The following SPECC1 variants were observed in gnomAD, a reference collection of about 807,000 sequenced individuals.
SPECC1 encodes the protein sperm antigen with calponin homology and coiled-coil domains 1.
A neutral mutation model predicts 104.1 loss-of-function variants in SPECC1; 62 were observed. The observed-to-expected ratio is 0.60, with a 90% CI of 0.49 to 0.74. The LOEUF (loss-of-function observed/expected upper bound fraction) is 0.74, where lower values mean the gene tolerates loss of function less well. Ranked by LOEUF, SPECC1 falls within the 30% of genes least tolerant of loss-of-function variation. SPECC1 has a pLI of 0.00. For synonymous variants in SPECC1, 513 were observed against 501.6 expected, an observed-to-expected ratio of 1.02 and a Z score of -0.30; for missense variants, 1,306 against 1,310.5, an observed-to-expected ratio of 1.00 and a Z score of 0.05.
At chr17:20,020,668 A>C (rs2044339524) in intron 1 of SPECC1, among the ~76,000 whole-genome samples, 1 of 152,154 alleles carries the variant, frequency 6.6e-6, no homozygotes, top group South Asian at 2.1e-4. Context: ...GGTGTGAGGA[A>C]TTGAATTAAT....
chr17:20,011,135 GGCT>G (rs1316273566), intron 1 of SPECC1, among the ~76,000 whole-genome samples: 1 of 152,136 alleles, frequency 6.6e-6, no homozygotes, highest in East Asian at 1.9e-4. Context: ...ACAAGGATCA[GGCT>G]GTCCTCTCTG....
Position 20,242,965 on chromosome 17 carries a change from T to C in SPECC1, c.2352-2961T>C, listed in dbSNP as rs947959941. On this transcript the variant is annotated intron_variant, in intron 7 of 14. Coordinates refer to ENST00000395527, the MANE Select transcript of SPECC1 (RefSeq NM_001243439.2). Reference sequence around the variant, plus strand: ...AGGTAGAATACTTGCTTCATTTTTGTTGTTTTAAGCATGGCCCCTAAACAC... The same window carrying C: ...AGGTAGAATACTTGCTTCATTTTTGCTGTTTTAAGCATGGCCCCTAAACAC... 2.5e-4 allele frequency among the ~76,000 whole-genome samples: 38 copies of C among 152,218 alleles called. 1 individual carries two copies. Among genetic ancestry groups the C allele is most frequent in the Non-Finnish European group, 2.9e-5 (2 of 68,036 alleles).
At position 20,017,568 on chromosome 17, in the gene SPECC1, C is replaced by A; in HGVS notation, c.-22+8144C>A. The A allele has an allele frequency of 2.0e-5, 3 of 152,848 alleles. No individual in the cohort carries two copies. In the South Asian group the frequency reaches 6.0e-4, roughly 31 times the overall value. The allele number at this position is 152,848 out of a possible 1,614,324, so 9.5% of individuals were successfully genotyped here. ...ACCAATTCCGGACACAAAAGGTGTT[C>A]CCACCATTCCTGTCCTCTTACTTCT... On this transcript the variant is annotated intron_variant, in intron 1 of 14. Transcript: ENST00000395527.
chr17:20,238,089 A>T, intron 7 of SPECC1: 1 of 1,026,726 alleles, frequency 9.7e-7, no homozygotes. Context: ...GTCTGACTTC[A>T]TTACCTCGTC....
Position 20,155,886 on chromosome 17 carries a change from A to G in SPECC1, c.283+45324A>G, listed in dbSNP as rs551873946. The stretch of plus-strand genomic sequence containing the variant: ...AAGGAAATACAGATGAGGTGGGCGG[A>G]CAGTATGCAGATGACGGGGGCGGGC... On this transcript the variant is annotated intron_variant, in intron 3 of 14. Transcript: ENST00000395527. 1.5e-4 allele frequency: 165 copies of G among 1,129,612 alleles called. 2 individuals are homozygous for G. The African/African-American group carries it at 2.3e-3, about 16-fold the overall frequency. The allele number at this position is 1,129,612 out of a possible 1,614,324, so 70.0% of individuals were successfully genotyped here.
chr17:20,108,924 A>G (rs1225860668), intron 2 of SPECC1, among the ~76,000 whole-genome samples: 2 of 152,176 alleles, frequency 1.3e-5, no homozygotes, highest in African/African-American at 4.8e-5. Flanking sequence ...ATGACAGGGA[A>G]GAAAGCAAAG....
At chr17:20,213,315 C>G (rs2151390869) in intron 4 of SPECC1, among the ~76,000 whole-genome samples, 1 of 152,150 alleles carries the variant, frequency 6.6e-6, no homozygotes, top group African/African-American at 2.4e-5. Flanking sequence ...CAAGGCTGAT[C>G]TCAAACTTAT....
At chr17:20,256,203 A>G (rs1241225670) in intron 10 of SPECC1, among the ~76,000 whole-genome samples, 1 of 152,194 alleles carries the variant, frequency 6.6e-6, no homozygotes, top group East Asian at 1.9e-4. Flanking sequence ...TTGACACGGT[A>G]CATACTGAAC....
chr17:20,302,878 TAAAA>T (rs35060925), intron 13 of SPECC1, among the ~76,000 whole-genome samples: 5 of 61,860 alleles, frequency 8.1e-5, no homozygotes, highest in East Asian at 1.0e-3. Flanking sequence ...TGAGCCCATC[TAAAA>T]AAAAAAAAAA....
chr17:20,235,388 C>A (rs2038849724), intron 7 of SPECC1, among the ~76,000 whole-genome samples: 1 of 152,188 alleles, frequency 6.6e-6, no homozygotes, highest in Non-Finnish European at 1.5e-5. Context: ...TCAGCTCTGG[C>A]TCCTCCCAGT....
intron 4 of SPECC1, among the ~76,000 whole-genome samples, chr17:20,211,398 C>A (rs1195525615): frequency 6.6e-6 from 1 of 152,184 alleles, no homozygotes; most frequent in Non-Finnish European, 1.5e-5. Context: ...ATGTGGAAGT[C>A]GAGGAGGCCT....
intron 4 of SPECC1, among the ~76,000 whole-genome samples, chr17:20,220,724 CAG>C (rs532627165): frequency 8.1e-4 from 124 of 152,190 alleles, no homozygotes; most frequent in African/African-American, 3.0e-3. Flanking sequence ...GTGTGAATAA[CAG>C]TGGTGACAGT....
At chr17:20,092,826 T>G (rs1464130175) in intron 1 of SPECC1, among the ~76,000 whole-genome samples, 1 of 152,202 alleles carries the variant, frequency 6.6e-6, no homozygotes, top group African/African-American at 2.4e-5. Context: ...AGAATCATGT[T>G]CAGAAAGCAT....
At chr17:20,191,701 A>C in intron 3 of SPECC1, among the ~76,000 whole-genome samples, 1 of 149,690 alleles carries the variant, frequency 6.7e-6, no homozygotes. Context: ...CCCTGTGTCC[A>C]TGTGTTCTCA....
chr17:20,158,402 C>T (rs1303121972), intron 3 of SPECC1, among the ~76,000 whole-genome samples: 2 of 152,130 alleles, frequency 1.3e-5, no homozygotes, highest in African/African-American at 4.8e-5. Context: ...TAGAGGAGTT[C>T]GAGACCAGCC....
intron 3 of SPECC1, among the ~76,000 whole-genome samples, chr17:20,183,051 A>T (rs1421121157): frequency 6.6e-6 from 1 of 152,236 alleles, no homozygotes; most frequent in Non-Finnish European, 1.5e-5. Flanking sequence ...TTGTAAACAA[A>T]TAAAAGTAAA....
At chr17:20,238,235 G>A (rs2039025389) in intron 7 of SPECC1, 1 of 1,039,908 alleles carries the variant, frequency 9.6e-7, no homozygotes, top group Middle Eastern at 4.4e-4. Flanking sequence ...AAATCTAATG[G>A]AAAACGATTG....
intron 1 of SPECC1, among the ~76,000 whole-genome samples, chr17:20,010,552 A>G (rs2043907060): frequency 6.6e-6 from 1 of 152,252 alleles, no homozygotes; most frequent in Non-Finnish European, 1.5e-5. Context: ...CAAGCAAGCG[A>G]GTTGAATTTG....
chr17:20,303,070 G>A (rs759774192), intron 13 of SPECC1, among the ~76,000 whole-genome samples: 23 of 152,002 alleles, frequency 1.5e-4, no homozygotes, highest in African/African-American at 2.4e-4. Context: ...CAGGAAAATA[G>A]CCACTTATAC....
Sources: gnomAD v4.1 joint callset for allele counts (sites outside exome capture counted in the v4.1 genomes callset) on GRCh38, gnomAD v4.1.1 for gene constraint, MANE v1.5 for transcripts, NCBI Gene and HGNC (gene_info 2026-07-23, HGNC 2026-07-21) for gene names.